PIP5K1B: variants seen among roughly 807,000 people sequenced by gnomAD.
PIP5K1B encodes the protein phosphatidylinositol-4-phosphate 5-kinase type 1 beta.
In PIP5K1B, 42 loss-of-function variants were observed where a neutral mutation model predicts 67.0. The observed-to-expected ratio is 0.63, with a 90% CI of 0.49 to 0.81. The LOEUF (loss-of-function observed/expected upper bound fraction) is 0.81. Among genes scored for constraint, PIP5K1B ranks in the 30% least tolerant of loss-of-function variants. The probability of loss-of-function intolerance (pLI) is 0.00; values close to 1 mark genes in which losing one functional copy is unlikely to be tolerated. For synonymous variants in PIP5K1B, 214 were observed against 231.4 expected (o/e 0.92, Z 0.68); for missense variants, 459 against 646.3 (o/e 0.71, Z 3.14).
intron 1 of PIP5K1B, among the ~76,000 whole-genome samples, chr9:68,708,925 T>C (rs1415597196): frequency 3.3e-5 from 5 of 152,222 alleles, no homozygotes; most frequent in Admixed American, 3.3e-4. Flanking sequence ...AATTTAAATA[T>C]TAATTAGTTT....
intron 8 of PIP5K1B, among the ~76,000 whole-genome samples, chr9:68,905,307 TG>T (rs1825555232): frequency 6.6e-6 from 1 of 152,152 alleles, no homozygotes; most frequent in South Asian, 2.1e-4. Context: ...GTAGCAACTC[TG>T]GCTTTGAAGA....
At chr9:68,709,565 C>T (rs1237524747) in intron 1 of PIP5K1B, among the ~76,000 whole-genome samples, 4 of 150,954 alleles carry the variant, frequency 2.6e-5, no homozygotes, top group African/African-American at 9.7e-5. Flanking sequence ...CACTATGATT[C>T]TTCTGGCTTA....
chr9:68,809,502 G>T (rs896522570), intron 2 of PIP5K1B, among the ~76,000 whole-genome samples: 5 of 152,100 alleles, frequency 3.3e-5, no homozygotes, highest in African/African-American at 9.7e-5. Flanking sequence ...ATTTAAGAGG[G>T]ACTTACGATC....
chr9:68,777,828 G>A (rs1830996485), intron 2 of PIP5K1B, among the ~76,000 whole-genome samples: 1 of 152,136 alleles, frequency 6.6e-6, no homozygotes, highest in Non-Finnish European at 1.5e-5. Context: ...TATAAATTGA[G>A]TTCTATATTT....
intron 8 of PIP5K1B, among the ~76,000 whole-genome samples, chr9:68,905,473 AT>A: frequency 6.6e-6 from 1 of 152,204 alleles, no homozygotes; most frequent in Non-Finnish European, 1.5e-5. Context: ...GATTTACAAA[AT>A]GGAATTGAGG....
intron 14 of PIP5K1B, among the ~76,000 whole-genome samples, chr9:68,956,595 A>C (rs1414154388): frequency 6.6e-6 from 1 of 152,262 alleles, no homozygotes; most frequent in African/African-American, 2.4e-5. Context: ...TGTCAGTAGA[A>C]TCATATGATG....
intron 4 of PIP5K1B, among the ~76,000 whole-genome samples, chr9:68,839,738 G>A (rs895368836): frequency 4.6e-5 from 7 of 152,164 alleles, no homozygotes; most frequent in Non-Finnish European, 1.0e-4. Flanking sequence ...GGGGAGCCCT[G>A]ATGTAACCAG....
At chr9:68,822,994 C>T (rs188748156) in intron 4 of PIP5K1B, among the ~76,000 whole-genome samples, 33 of 152,252 alleles carry the variant, frequency 2.2e-4, no homozygotes, top group Non-Finnish European at 3.5e-4. Context: ...AGGCTCCCTG[C>T]GTGCCCTGTG....
intron 14 of PIP5K1B, among the ~76,000 whole-genome samples, chr9:68,988,444 GTTTTTTTTT>G (rs61373302): frequency 9.1e-6 from 1 of 109,990 alleles, no homozygotes; most frequent in Admixed American, 1.0e-4. Flanking sequence ...TTTTTTTGGG[GTTTTTTTTT>G]TTTTTTTTTT....
chr9:68,925,182 T>G lies in PIP5K1B; in HGVS notation c.1201+1796T>G, dbSNP rs150367422. Among the ~76,000 whole-genome samples the G allele has an allele frequency of 3.5e-3, 527 of 152,340 alleles. 4 individuals are homozygous for G. Among genetic ancestry groups the G allele is most frequent in the African/African-American group, 0.011 (474 of 41,572 alleles). ...TTCTTTCAGTATTGGGCATTTACAT[T>G]GTTTCTCCTTTTTCTATTTCTTAAT... On this transcript the variant is annotated intron_variant, in intron 12 of 15. Transcript: ENST00000265382.
At chr9:68,898,308 T>C (rs1008028907) in intron 8 of PIP5K1B, among the ~76,000 whole-genome samples, 1 of 152,142 alleles carries the variant, frequency 6.6e-6, no homozygotes, top group Admixed American at 6.5e-5. Context: ...CTATTCCCCA[T>C]TGGCTGTGTG....
chr9:68,904,845 C>T (rs1825532535), intron 8 of PIP5K1B, among the ~76,000 whole-genome samples: 1 of 151,470 alleles, frequency 6.6e-6, no homozygotes, highest in African/African-American at 2.4e-5. Flanking sequence ...AGGTAATTTC[C>T]TCGGCTCTAA....
intron 14 of PIP5K1B, among the ~76,000 whole-genome samples, chr9:68,953,022 T>C (rs1284888405): frequency 1.3e-5 from 2 of 152,154 alleles, no homozygotes; most frequent in Non-Finnish European, 2.9e-5. Context: ...AACTCATGTT[T>C]TGAGTTTGGG....
At chr9:68,840,747 C>A (rs1821875812) in intron 4 of PIP5K1B, among the ~76,000 whole-genome samples, 1 of 152,198 alleles carries the variant, frequency 6.6e-6, no homozygotes, top group African/African-American at 2.4e-5. Context: ...TTAGGCCCAC[C>A]TGGACAGTCT....
At chr9:68,800,361 G>T (rs1832535440) in intron 2 of PIP5K1B, among the ~76,000 whole-genome samples, 1 of 152,210 alleles carries the variant, frequency 6.6e-6, no homozygotes, top group Non-Finnish European at 1.5e-5. Context: ...CCAGCATCTA[G>T]ACAGGGCCTG....
At chr9:68,779,516 T>C (rs1414559816) in intron 2 of PIP5K1B, among the ~76,000 whole-genome samples, 1 of 152,208 alleles carries the variant, frequency 6.6e-6, no homozygotes, top group African/African-American at 2.4e-5. Context: ...GTTACACCCA[T>C]GCTTGAAAAC....
At chr9:68,987,776 A>G (rs1382806264) in intron 14 of PIP5K1B, among the ~76,000 whole-genome samples, 1 of 152,120 alleles carries the variant, frequency 6.6e-6, no homozygotes, top group African/African-American at 2.4e-5. Flanking sequence ...AGAATGAGAG[A>G]GGAGCAAAAG....
rs534158813 is a variant in PIP5K1B, at chr9:68,893,829, G to A, written c.472-510G>A. Reference sequence around the variant, plus strand: ...ATGGCATTCAAATTTTTAAAAACAGGTTTCTATTTTTCACTAATCATGCTT... The same window carrying A: ...ATGGCATTCAAATTTTTAAAAACAGATTTCTATTTTTCACTAATCATGCTT... On this transcript the variant is annotated intron_variant, in intron 7 of 15. Coordinates refer to ENST00000265382, the MANE Select transcript of PIP5K1B (RefSeq NM_003558.4). 4.6e-5 allele frequency among the ~76,000 whole-genome samples: 7 copies of A among 152,238 alleles called. No individual in the cohort carries two copies. In the South Asian group the frequency reaches 1.2e-3, roughly 27 times the overall value.
chr9:68,863,697 TATC>T (rs1408480593), intron 4 of PIP5K1B, 137 bp from the exon 5 acceptor site: 4 of 602,196 alleles, frequency 6.6e-6, no homozygotes, highest in Non-Finnish European at 8.3e-6. Flanking sequence ...AGAAGCAACT[TATC>T]ATCTTGCCAA....
Sources: allele counts gnomAD v4.1 joint callset (sites outside exome capture counted in the v4.1 genomes callset), GRCh38; gene constraint gnomAD v4.1.1; transcripts MANE v1.5; gene names NCBI Gene and HGNC (gene_info 2026-07-23, HGNC 2026-07-21).